PPFIA4: variants seen among roughly 807,000 people sequenced by gnomAD.
PPFIA4 encodes liprin-alpha-4.
A neutral mutation model predicts 145.7 loss-of-function variants in PPFIA4; 98 were observed. That is an observed-to-expected ratio of 0.67 (90% confidence interval 0.57 to 0.80). The LOEUF is 0.80. PPFIA4 is among the 30% of genes least tolerant of loss of function. PPFIA4 has a pLI of 0.00. For missense variants in PPFIA4, 1,457 were observed against 1,632.7 expected, an observed-to-expected ratio of 0.89 and a Z score of 1.85; for synonymous variants, 628 against 649.6, an observed-to-expected ratio of 0.97 and a Z score of 0.51.
chr1:203,049,611 C>A, intron 12 of PPFIA4, 65 bp from the exon 13 acceptor site: 1 of 1,285,274 alleles, frequency 7.8e-7, no homozygotes, highest in Non-Finnish European at 1.0e-6. Flanking sequence ...TCTCTGACTC[C>A]CACCCTCCCT....
intron 1 of PPFIA4, among the ~76,000 whole-genome samples, chr1:203,037,443 A>G (rs544145343): frequency 1.9e-4 from 29 of 152,248 alleles, no homozygotes; most frequent in South Asian, 6.2e-4. Context: ...CAGTGTGCCT[A>G]TTGCTGTGCT....
Position 203,076,617 on chromosome 1 carries a change from T to G in PPFIA4, c.*227T>G, listed in dbSNP as rs1016172813. 1 of 577,970 alleles carries G rather than the reference T, an allele frequency of 1.7e-6. No homozygotes were observed. Among genetic ancestry groups the G allele is most frequent in the Admixed American group, 3.1e-5 (1 of 32,424 alleles). 35.8% of individuals were successfully genotyped at this position (577,970 alleles called of 1,614,324 possible). A position where few individuals can be genotyped will look rare whatever the true frequency, so the allele number is the denominator to read the frequency against. On this transcript the variant is annotated 3_prime_UTR_variant, in exon 30 of 30. Transcript: ENST00000295706. ...GGATGTGGCTGGGGTTTCCTGGTAT[T>G]GTGGAGGCACCCAGGTTGTCCATGC...
chr1:203,028,295 G>T (rs138670570), intron 1 of PPFIA4, among the ~76,000 whole-genome samples: 2,287 of 152,240 alleles, frequency 0.015, 33 homozygotes, highest in Non-Finnish European at 0.023. Context: ...GGAGGGGCAG[G>T]GCATGGCAGG....
Position 203,055,060 on chromosome 1 carries a change from T to C in PPFIA4, c.1830-372T>C, listed in dbSNP as rs1460812639. Among the ~76,000 whole-genome samples, 1 of 152,192 alleles carries C rather than the reference T, an allele frequency of 6.6e-6. No individual in the cohort carries two copies. Among genetic ancestry groups the C allele is most frequent in the East Asian group, 1.9e-4 (1 of 5,190 alleles). On this transcript the variant is annotated intron_variant, in intron 15 of 29. Coordinates refer to ENST00000295706, the MANE Select transcript of PPFIA4 (RefSeq NM_001304331.2). This position sits in a 1 kb window ranked among gnomAD's most constrained non-coding sequence, Gnocchi z 4.8. ...ACCAGGGGTCAGCATCATTTAAAAG[T>C]CCTACACTTGGAAACTGCTGACTTA... is the stretch of plus-strand genomic sequence containing the variant.
intron 1 of PPFIA4, chr1:203,035,147 T>G: frequency 2.7e-6 from 1 of 367,844 alleles, no homozygotes; most frequent in South Asian, 2.0e-5. Flanking sequence ...CACCTCCAGC[T>G]GGGTGGGTGT....
rs767129243 is a variant in PPFIA4, at chr1:203,055,329, A to G, written c.1830-103A>G. On this transcript the variant is annotated intron_variant, in intron 15 of 29. Coordinates refer to ENST00000295706, the MANE Select transcript of PPFIA4 (RefSeq NM_001304331.2). This position sits in a 1 kb window ranked among gnomAD's most constrained non-coding sequence, Gnocchi z 4.8. ...GACAGACAAAGCCTGGCGGGTGTAC[A>G]CCGCATGTGGTCCTTGGTGGCGAGT... 12 of 1,476,348 alleles carry G rather than the reference A, an allele frequency of 8.1e-6. No individual in the cohort carries two copies. Among genetic ancestry groups the G allele is most frequent in the African/African-American group, 1.4e-5 (1 of 72,234 alleles). The allele number at this position is 1,476,348 out of a possible 1,614,324, so 91.5% of individuals were successfully genotyped here. A position where few individuals can be genotyped will look rare whatever the true frequency, so the allele number is the denominator to read the frequency against.
chr1:203,041,770 G>T (rs892223675), intron 2 of PPFIA4, among the ~76,000 whole-genome samples: 2 of 148,974 alleles, frequency 1.3e-5, no homozygotes, highest in African/African-American at 5.0e-5. Context: ...GTGTAGGGCT[G>T]GGTGGCAGGC....
chr1:203,029,592 A>G (rs187808549), intron 1 of PPFIA4, among the ~76,000 whole-genome samples: 27 of 152,336 alleles, frequency 1.8e-4, no homozygotes, highest in Admixed American at 7.2e-4. Flanking sequence ...TCACTCAGTA[A>G]GTGATCATTG....
At chr1:203,046,538 C>A in intron 9 of PPFIA4, 156 bp downstream of exon 9, 1 of 823,568 alleles carries the variant, frequency 1.2e-6, no homozygotes, top group Non-Finnish European at 1.9e-6. Flanking sequence ...TGCCTTGTGC[C>A]TGTCAGTTGG....
At chr1:203,074,145 C>T (rs1662361965) in intron 28 of PPFIA4, among the ~76,000 whole-genome samples, 1 of 152,116 alleles carries the variant, frequency 6.6e-6, no homozygotes, top group Non-Finnish European at 1.5e-5. Context: ...GAGATACAGT[C>T]ATGCATGGCT....
chr1:203,057,895 T>C (rs927447841), intron 19 of PPFIA4, among the ~76,000 whole-genome samples: 4 of 149,820 alleles, frequency 2.7e-5, no homozygotes, highest in Non-Finnish European at 5.9e-5. Context: ...AGGAAGGGGT[T>C]GGTCTGGGAA....
intron 27 of PPFIA4, among the ~76,000 whole-genome samples, chr1:203,069,755 A>ACCCCCCCCCCCCCCCCCC (rs5780138): frequency 9.5e-6 from 1 of 104,764 alleles, no homozygotes; most frequent in African/African-American, 3.6e-5. Context: ...TTCTGCAGTG[A>ACCCCCCCCCCCCCCCCCC]CCCCCCCGCC....
At chr1:203,069,755 A>ACCCCCCCCCCCCCCCC (rs5780138) in intron 27 of PPFIA4, among the ~76,000 whole-genome samples, 7 of 104,822 alleles carry the variant, frequency 6.7e-5, no homozygotes, top group Admixed American at 9.9e-5. Context: ...TTCTGCAGTG[A>ACCCCCCCCCCCCCCCC]CCCCCCCGCC....
At chr1:203,071,838 C>T (rs1662193219) in intron 28 of PPFIA4, 78 bp downstream of exon 28, 20 of 1,242,552 alleles carry the variant, frequency 1.6e-5, no homozygotes, top group Non-Finnish European at 2.3e-5. Context: ...GTTCTGCCTT[C>T]CCTGGGCTAA....
At chr1:203,027,038 T>A (rs762872269) in intron 1 of PPFIA4, among the ~76,000 whole-genome samples, 1 of 152,238 alleles carries the variant, frequency 6.6e-6, no homozygotes, top group Non-Finnish European at 1.5e-5. Context: ...TCTGATGGGC[T>A]GAGGTCTTCG....
At position 203,060,508 on chromosome 1, in the gene PPFIA4, A is replaced by T. The variant is rs898567299; in HGVS notation, c.2784+91A>T. 3.0e-6 allele frequency: 4 copies of T among 1,331,580 alleles called. No individual in the cohort carries two copies. Among genetic ancestry groups the T allele is most frequent in the Non-Finnish European group, 4.2e-6 (4 of 946,584 alleles). 82.5% of individuals were successfully genotyped at this position (1,331,580 alleles called of 1,614,324 possible). A position where few individuals can be genotyped will look rare whatever the true frequency, so the allele number is the denominator to read the frequency against. On this transcript the variant is annotated intron_variant, in intron 22 of 29. Transcript: ENST00000295706. This position sits in a 1 kb window ranked among gnomAD's most constrained non-coding sequence, Gnocchi z 4.8. ...TGTTGGGCTTTGGGAAGATGGCAGC[A>T]TTGAGCCCTGCCCCTTCCTTCCCAT...
intron 1 of PPFIA4, among the ~76,000 whole-genome samples, chr1:203,036,642 A>C (rs938248828): frequency 6.6e-6 from 1 of 152,058 alleles, no homozygotes; most frequent in African/African-American, 2.4e-5. Context: ...TCAGGGCTGG[A>C]GCATTCAGGG....
Position 203,060,647 on chromosome 1 carries a change from A to G in PPFIA4, c.2784+230A>G, listed in dbSNP as rs1443260964. On this transcript the variant is annotated intron_variant, in intron 22 of 29. Coordinates refer to ENST00000295706, the MANE Select transcript of PPFIA4 (RefSeq NM_001304331.2). This position sits in a 1 kb window ranked among gnomAD's most constrained non-coding sequence, Gnocchi z 4.8. ...ACCACCCATGGGGCTCCATCTCCCC[A>G]TCCCTACTCTGCCAAAATTTCCACG... is the stretch of plus-strand genomic sequence containing the variant. Among the ~76,000 whole-genome samples, 2 of 152,094 alleles carry G rather than the reference A, an allele frequency of 1.3e-5. No individual in the cohort carries two copies. Among genetic ancestry groups the G allele is most frequent in the African/African-American group, 4.8e-5 (2 of 41,396 alleles).
At chr1:203,039,372 C>T in intron 2 of PPFIA4, 130 bp downstream of exon 2, 1 of 664,658 alleles carries the variant, frequency 1.5e-6, no homozygotes, top group South Asian at 2.1e-5. Context: ...ATTTACTCTC[C>T]TTCATCTCTC....
Sources: gnomAD v4.1 joint callset for allele counts (sites outside exome capture counted in the v4.1 genomes callset) on GRCh38, gnomAD v4.1.1 for gene constraint, Gnocchi (gnomAD v3.1) non-coding constraint, MANE v1.5 for transcripts, NCBI Gene and HGNC (gene_info 2026-07-23, HGNC 2026-07-21) for gene names.